The following ASCC3 variants were observed in gnomAD, a reference collection of about 807,000 sequenced individuals.
ASCC3 encodes the protein ASC-1 complex subunit P200.
A neutral mutation model predicts 256.3 loss-of-function variants in ASCC3; 158 were observed. That is an observed-to-expected ratio of 0.62 (90% confidence interval 0.54 to 0.70). The LOEUF (loss-of-function observed/expected upper bound fraction) is 0.70. Among genes scored for constraint, ASCC3 ranks in the 30% least tolerant of loss-of-function variants. The pLI, the probability that ASCC3 is intolerant of heterozygous loss-of-function variation, is 0.00. For missense variants in ASCC3, 2,259 were observed against 2,626.0 expected, an observed-to-expected ratio of 0.86 and a Z score of 3.05; for synonymous variants, 948 against 883.4, an observed-to-expected ratio of 1.07 and a Z score of -1.30.
chr6:100,823,840 C>T (rs1396205852), intron 4 of ASCC3, among the ~76,000 whole-genome samples: 1 of 152,040 alleles, frequency 6.6e-6, no homozygotes, highest in Non-Finnish European at 1.5e-5. Flanking sequence ...AAAGGTAATC[C>T]TCATTTTCCA....
intron 23 of ASCC3, among the ~76,000 whole-genome samples, chr6:100,642,951 T>C (rs932708425): frequency 6.6e-6 from 1 of 152,156 alleles, no homozygotes; most frequent in Non-Finnish European, 1.5e-5. Flanking sequence ...GGTAAAATTT[T>C]ATGGCTAATT....
At chr6:100,727,460 T>C (rs1323052368) in intron 10 of ASCC3, among the ~76,000 whole-genome samples, 1 of 151,972 alleles carries the variant, frequency 6.6e-6, no homozygotes, top group Non-Finnish European at 1.5e-5. Context: ...ATTTTACATT[T>C]GGTTCTTTTT....
At chr6:100,584,514 C>T (rs986813736) in intron 36 of ASCC3, among the ~76,000 whole-genome samples, 12 of 152,206 alleles carry the variant, frequency 7.9e-5, no homozygotes, top group South Asian at 6.2e-4. Flanking sequence ...GAACACAGCA[C>T]GCTGATGGGT....
intron 25 of ASCC3, 45 bp downstream of exon 25, chr6:100,638,556 A>C: frequency 6.8e-7 from 1 of 1,471,064 alleles, no homozygotes; most frequent in South Asian, 1.2e-5. Flanking sequence ...AGAGATTATG[A>C]ACTGTCTTTT....
intron 19 of ASCC3, 128 bp from the exon 20 acceptor site, chr6:100,650,842 G>A: frequency 1.3e-6 from 1 of 763,860 alleles, no homozygotes; most frequent in Non-Finnish European, 2.2e-6. Context: ...TTCTTTCATA[G>A]AGTTAAATAA....
rs1031439894 is a variant in ASCC3 at position 100,863,761 on chromosome 6, G to A, written c.241+303C>T. Among the ~76,000 whole-genome samples, 9 of 152,100 alleles carry A rather than the reference G, an allele frequency of 5.9e-5. No homozygotes were observed. The South Asian group carries it at 1.0e-3, about 18-fold the overall frequency. Reference sequence around the variant, plus strand: ...CTCCAGAGTAGCTGGGACTACAAGTGCACACCACCACACCTAGCTAGTTTA... The same window carrying A: ...CTCCAGAGTAGCTGGGACTACAAGTACACACCACCACACCTAGCTAGTTTA... On this transcript the variant is annotated intron_variant, in intron 3 of 41. Coordinates refer to ENST00000369162, the MANE Select transcript of ASCC3 (RefSeq NM_006828.4).
At chr6:100,849,246 C>G (rs760019558) in intron 3 of ASCC3, among the ~76,000 whole-genome samples, 1 of 152,130 alleles carries the variant, frequency 6.6e-6, no homozygotes, top group African/African-American at 2.4e-5. Flanking sequence ...TATCTAAGTG[C>G]AGAAACTACC....
At chr6:100,530,863 G>A in intron 37 of ASCC3, 1 of 1,280,294 alleles carries the variant, frequency 7.8e-7, no homozygotes, top group Non-Finnish European at 1.1e-6. Context: ...TTAGACTTAT[G>A]GAATAAATTT....
chr6:100,710,825 T>G (rs541327109), intron 13 of ASCC3, among the ~76,000 whole-genome samples: 111 of 152,246 alleles, frequency 7.3e-4, no homozygotes, highest in African/African-American at 2.6e-3. Context: ...AACATCATCT[T>G]AATAAAAAAG....
chr6:100,723,876 A>ATATATATATATATATTTATAAT (rs1562251254), intron 11 of ASCC3, among the ~76,000 whole-genome samples: 8 of 131,166 alleles, frequency 6.1e-5, no homozygotes, highest in Non-Finnish European at 1.6e-5. Context: ...ATATATATAT[A>ATATATATATATATATTTATAAT]TATATATATA....
chr6:100,704,230 A>G (rs945996506), intron 13 of ASCC3, among the ~76,000 whole-genome samples: 1 of 152,118 alleles, frequency 6.6e-6, no homozygotes, highest in African/African-American at 2.4e-5. Context: ...AAGATGAAGG[A>G]GAAATATCTT....
At chr6:100,573,275 A>G (rs548918982) in intron 36 of ASCC3, among the ~76,000 whole-genome samples, 1 of 152,216 alleles carries the variant, frequency 6.6e-6, no homozygotes, top group Admixed American at 6.6e-5. Flanking sequence ...TTTTGGTATT[A>G]TTTGTACTGA....
chr6:100,572,037 T>A (rs896388085), intron 36 of ASCC3, among the ~76,000 whole-genome samples: 1 of 152,210 alleles, frequency 6.6e-6, no homozygotes, highest in Non-Finnish European at 1.5e-5. Flanking sequence ...TTGACTCTTA[T>A]AGTAAGACTT....
At chr6:100,825,863 C>A (rs1420638245) in intron 4 of ASCC3, among the ~76,000 whole-genome samples, 1 of 151,646 alleles carries the variant, frequency 6.6e-6, no homozygotes, top group Non-Finnish European at 1.5e-5. Context: ...AATCTTCAAT[C>A]TCTGATATTC....
At chr6:100,834,653 C>G (rs1266416200) in intron 4 of ASCC3, among the ~76,000 whole-genome samples, 1 of 152,044 alleles carries the variant, frequency 6.6e-6, no homozygotes, top group Non-Finnish European at 1.5e-5. Flanking sequence ...TAACTAAAAG[C>G]TAGCATAATT....
At chr6:100,720,792 G>A (rs1049487944) in intron 11 of ASCC3, among the ~76,000 whole-genome samples, 7 of 149,760 alleles carry the variant, frequency 4.7e-5, no homozygotes, top group Admixed American at 3.4e-4. Context: ...AGATGACAAT[G>A]TGAAGATGAA....
At chr6:100,755,057 A>C (rs1455647235) in intron 10 of ASCC3, among the ~76,000 whole-genome samples, 1 of 151,932 alleles carries the variant, frequency 6.6e-6, no homozygotes, top group Non-Finnish European at 1.5e-5. Flanking sequence ...GCAGTATGAA[A>C]ATGGACTAAT....
intron 10 of ASCC3, among the ~76,000 whole-genome samples, chr6:100,728,463 G>A (rs1203859999): frequency 4.6e-5 from 7 of 151,880 alleles, no homozygotes; most frequent in South Asian, 2.1e-4. Context: ...ATATGCATGC[G>A]TTGTGACCCA....
At chr6:100,572,408 T>C (rs1336550639) in intron 36 of ASCC3, among the ~76,000 whole-genome samples, 1 of 152,124 alleles carries the variant, frequency 6.6e-6, no homozygotes, top group African/African-American at 2.4e-5. Context: ...TTATTAAAGC[T>C]ACCCATTCTA....
Sources: allele counts gnomAD v4.1 joint callset (sites outside exome capture counted in the v4.1 genomes callset), GRCh38; gene constraint gnomAD v4.1.1; transcripts MANE v1.5; gene names NCBI Gene and HGNC (gene_info 2026-07-23, HGNC 2026-07-21).